Variants in IPO5 observed in about 807,000 individuals in gnomAD.
IPO5 encodes importin-5.
A neutral mutation model predicts 143.3 loss-of-function variants in IPO5; 18 were observed. The ratio of observed to expected loss-of-function variants is 0.13; its 90% CI spans 0.09 to 0.19. The LOEUF (loss-of-function observed/expected upper bound fraction) is 0.19. IPO5 is among the 10% of genes least tolerant of loss of function. The pLI is 1.00. For missense variants in IPO5, 1,013 were observed against 1,336.9 expected (o/e 0.76, Z 3.78); for synonymous variants, 477 against 465.7 (o/e 1.02, Z -0.31).
chr13:98,017,646 A>G (rs1180677158), intron 25 of IPO5, among the ~76,000 whole-genome samples: 1 of 152,050 alleles, frequency 6.6e-6, no homozygotes, highest in South Asian at 2.1e-4. Flanking sequence ...CAAATTGAAC[A>G]GGAGGTACAG....
At chr13:97,966,133 C>CAAAA (rs34256210) in intron 2 of IPO5, among the ~76,000 whole-genome samples, 11 of 89,278 alleles carry the variant, frequency 1.2e-4, no homozygotes, top group Non-Finnish European at 1.5e-4. Context: ...GGCCCCCTCT[C>CAAAA]AAAAAAAAAA....
At chr13:98,016,914 C>T (rs1331065957) in intron 25 of IPO5, 63 bp downstream of exon 25, 16 of 1,239,060 alleles carry the variant, frequency 1.3e-5, no homozygotes, top group South Asian at 1.9e-5. Context: ...TTCACTGCAA[C>T]GTAAAATCTA....
At position 98,006,261 on chromosome 13, in the gene IPO5, G is replaced by A. The variant is rs769103564; in HGVS notation, c.1629G>A (p.Glu543=). Reference sequence around the variant, plus strand: ...TGCCATCACTGAAGCACATCGTTGAGAATGCGGTTCAAAAAGAACTGAGAC... The same window carrying A: ...TGCCATCACTGAAGCACATCGTTGAAAATGCGGTTCAAAAAGAACTGAGAC... ...LFMPSLKHIV[E]NAVQKELRLL... The change falls in exon 17 of 29, where the codon GAG becomes GAA. Residue 543 remains glutamate (E), a synonymous_variant. Coordinates refer to ENST00000651721, the MANE Select transcript of IPO5 (RefSeq NM_002271.6). 3 of 1,601,636 alleles carry A rather than the reference G, an allele frequency of 1.9e-6. No homozygotes were observed. In the Admixed American group the frequency reaches 5.1e-5, roughly 27 times the overall value.
chr13:97,976,674 C>T lies in IPO5; in HGVS notation c.-4-19C>T, dbSNP rs778426599. The T allele has an allele frequency of 4.7e-6, 6 of 1,286,486 alleles. No homozygotes were observed. Among genetic ancestry groups the T allele is most frequent in the South Asian group, 2.7e-5 (2 of 74,348 alleles). The allele number at this position is 1,286,486 out of a possible 1,614,324, so 79.7% of individuals were successfully genotyped here. A position where few individuals can be genotyped will look rare whatever the true frequency, so the allele number is the denominator to read the frequency against. ...CTCACGGCTCCTGTCTCCCCTCCCTCCTTCTCTCTCACGCCTAGCGCAATG... is the reference window on the plus strand; with the variant it reads ...CTCACGGCTCCTGTCTCCCCTCCCTTCTTCTCTCTCACGCCTAGCGCAATG... On this transcript the variant is annotated intron_variant, in intron 3 of 28. Transcript: ENST00000651721.
intron 7 of IPO5, among the ~76,000 whole-genome samples, chr13:97,989,419 T>G (rs1484863912): frequency 6.6e-6 from 1 of 152,200 alleles, no homozygotes; most frequent in African/African-American, 2.4e-5. Context: ...TCTGAAAGTT[T>G]TATTGAACAG....
intron 3 of IPO5, among the ~76,000 whole-genome samples, chr13:97,973,038 C>CTTTTTTT (rs34572861): frequency 1.3e-5 from 1 of 76,364 alleles, no homozygotes; most frequent in Non-Finnish European, 2.4e-5. Context: ...CTTTTATCTT[C>CTTTTTTT]TTTTTTTTTT....
rs201940249 is a variant in IPO5, at chr13:98,006,192, C to T, written c.1560C>T (p.Ala520=). ...EQVVTSIASV[A]DTAEEKFVPY... ...TTGTGACATCCATTGCATCAGTTGC[C>T]GATACTGCAGAAGAAAAATTTGTCC... is the stretch of plus-strand genomic sequence containing the variant. The change falls in exon 17 of 29, where the codon GCC becomes GCT. Residue 520 remains alanine, a synonymous_variant. Transcript: ENST00000651721. 3.0e-5 allele frequency: 49 copies of T among 1,613,702 alleles called. No homozygotes were observed. In the East Asian group the frequency reaches 4.9e-4, roughly 16 times the overall value.
intron 7 of IPO5, among the ~76,000 whole-genome samples, 185 bp downstream of exon 7, chr13:97,989,349 A>T (rs1326870625): frequency 6.6e-6 from 1 of 152,032 alleles, no homozygotes; most frequent in African/African-American, 2.4e-5. Context: ...TCACATTATG[A>T]TCTTTTTTGT....
At chr13:97,965,293 C>T (rs927974145) in intron 2 of IPO5, among the ~76,000 whole-genome samples, 33 of 151,994 alleles carry the variant, frequency 2.2e-4, no homozygotes, top group Non-Finnish European at 4.7e-4. Context: ...ACCACCATGG[C>T]ACATGTATAC....
chr13:97,997,631 T>C lies in IPO5; in HGVS notation c.1001+13T>C, dbSNP rs766504442. 1 of 1,567,174 alleles carries C rather than the reference T, an allele frequency of 6.4e-7. No homozygotes were observed. The highest frequency in any genetic ancestry group is 1.1e-5 in the South Asian group (1 of 89,518). On this transcript the variant is annotated intron_variant, in intron 12 of 28. Coordinates refer to ENST00000651721, the MANE Select transcript of IPO5 (RefSeq NM_002271.6). ...ATGATTTTGACAGGTAATCAAACATTGTGTCCAGGGTGGCAGTGAAAGCCC... is the reference window on the plus strand; with the variant it reads ...ATGATTTTGACAGGTAATCAAACATCGTGTCCAGGGTGGCAGTGAAAGCCC...
chr13:98,003,061 GCTTT>G (rs1189499000), intron 16 of IPO5, 24 bp downstream of exon 16: 2 of 1,568,106 alleles, frequency 1.3e-6, no homozygotes, highest in Middle Eastern at 1.7e-4. Flanking sequence ...TCTGTAGGCT[GCTTT>G]CTGTTTGTAG....
chr13:97,983,795 C>T (rs1260375827), intron 5 of IPO5, among the ~76,000 whole-genome samples: 1 of 151,588 alleles, frequency 6.6e-6, no homozygotes, highest in African/African-American at 2.4e-5. Flanking sequence ...TCCAGTCAGT[C>T]AGTTTAGACT....
At chr13:97,964,443 CTTTTT>C (rs369952371) in intron 2 of IPO5, among the ~76,000 whole-genome samples, 1 of 108,216 alleles carries the variant, frequency 9.2e-6, no homozygotes, top group Admixed American at 1.0e-4. Flanking sequence ...CCATTTCTTT[CTTTTT>C]TTTTTTTTTT....
intron 22 of IPO5, among the ~76,000 whole-genome samples, chr13:98,015,239 T>TG (rs1445299353): frequency 4.6e-5 from 5 of 109,028 alleles, no homozygotes; most frequent in African/African-American, 1.2e-4. Context: ...CCTTAGGAGC[T>TG]GGTTGTGTGT....
chr13:97,976,122 C>T (rs969239234), intron 3 of IPO5: 5 of 236,278 alleles, frequency 2.1e-5, no homozygotes, highest in Non-Finnish European at 1.4e-5. Context: ...CCGGGGGTCG[C>T]TAGAAGGAGG....
rs559083069 is a variant in IPO5 at position 97,962,063 on chromosome 13, AG to A, written c.-112-7659del. Reference sequence around the variant, plus strand: ...AGAATCACTTGAACCTGGGAGGCAGAGCCTGCAGTGAGCTGAGATCATGCCA... The same window carrying A: ...AGAATCACTTGAACCTGGGAGGCAGACCTGCAGTGAGCTGAGATCATGCCA... On this transcript the variant is annotated intron_variant, in intron 2 of 28. Transcript: ENST00000651721. 2.0e-5 allele frequency among the ~76,000 whole-genome samples: 3 copies of A among 152,350 alleles called. 1 individual carries two copies. In the South Asian group the frequency reaches 6.2e-4, roughly 32 times the overall value.
At chr13:98,019,212 A>G (rs1890319457) in intron 26 of IPO5, among the ~76,000 whole-genome samples, 1 of 152,054 alleles carries the variant, frequency 6.6e-6, no homozygotes, top group Non-Finnish European at 1.5e-5. Flanking sequence ...TCAGCCTCCC[A>G]AAGTGCTGAG....
chr13:97,990,677 A>C, intron 9 of IPO5, 140 bp downstream of exon 9: 1 of 523,838 alleles, frequency 1.9e-6, no homozygotes, highest in Non-Finnish European at 3.3e-6. Context: ...TGCAAATCTC[A>C]GTCTCCATTA....
At chr13:97,978,159 G>A in intron 4 of IPO5, among the ~76,000 whole-genome samples, 1 of 152,198 alleles carries the variant, frequency 6.6e-6, no homozygotes, top group Non-Finnish European at 1.5e-5. Flanking sequence ...AATTCAAACA[G>A]TGAATCGTTT....
Sources: gnomAD v4.1 joint callset for allele counts (sites outside exome capture counted in the v4.1 genomes callset) on GRCh38, gnomAD v4.1.1 for gene constraint, MANE v1.5 for transcripts, NCBI Gene and HGNC (gene_info 2026-07-23, HGNC 2026-07-21) for gene names.